Variants in PLCXD3 observed in about 807,000 individuals in gnomAD.
PLCXD3 encodes the protein PI-PLC X domain-containing protein 3.
A neutral mutation model predicts 25.5 loss-of-function variants in PLCXD3; 19 were observed. The observed-to-expected ratio is 0.75, with a 90% CI of 0.52 to 1.09. The LOEUF (loss-of-function observed/expected upper bound fraction) is 1.09, where lower values mean the gene tolerates loss of function less well. Ranked by LOEUF, PLCXD3 falls within the 50% of genes least tolerant of loss-of-function variation. The pLI, the probability that PLCXD3 is intolerant of heterozygous loss-of-function variation, is 0.00. For synonymous variants in PLCXD3, 174 were observed against 137.6 expected (o/e 1.26, Z -1.85); for missense variants, 411 against 388.1 (o/e 1.06, Z -0.50).
chr5:41,365,244 G>A (rs749407528), intron 2 of PLCXD3, among the ~76,000 whole-genome samples: 1 of 152,134 alleles, frequency 6.6e-6, no homozygotes, highest in Non-Finnish European at 1.5e-5. Context: ...ACAATCACAA[G>A]AGAATATCAT....
rs553032071 is a variant in PLCXD3 at position 41,339,514 on chromosome 5, C to T, written c.813-25744G>A. On this transcript the variant is annotated intron_variant, in intron 2 of 2. Coordinates refer to ENST00000377801, the MANE Select transcript of PLCXD3 (RefSeq NM_001005473.3). ...AATAGTTGGTCATGTAAATTATCTG[C>T]CTGACTGACTGAGTCTGTACTTATC... is the stretch of plus-strand genomic sequence containing the variant. Among the ~76,000 whole-genome samples, 7 of 151,968 alleles carry T rather than the reference C, an allele frequency of 4.6e-5. No individual in the cohort carries two copies. The South Asian group carries it at 1.2e-3, about 27-fold the overall frequency.
At chr5:41,412,583 C>T (rs1240050364) in intron 1 of PLCXD3, among the ~76,000 whole-genome samples, 1 of 152,156 alleles carries the variant, frequency 6.6e-6, no homozygotes, top group African/African-American at 2.4e-5. Context: ...CTTTGCCACT[C>T]GCCCTTGATA....
chr5:41,345,683 TACACACACACACAC>T (rs57657516), intron 2 of PLCXD3, among the ~76,000 whole-genome samples: 12 of 146,144 alleles, frequency 8.2e-5, no homozygotes, highest in Admixed American at 2.1e-4. Flanking sequence ...TACATATGTG[TACACACACACACAC>T]ACACACACAC....
At position 41,482,473 on chromosome 5, in the gene PLCXD3, T is replaced by C. The variant is rs183411490; in HGVS notation, c.103+27951A>G. On this transcript the variant is annotated intron_variant, in intron 1 of 2. Coordinates refer to ENST00000377801, the MANE Select transcript of PLCXD3 (RefSeq NM_001005473.3). Reference sequence around the variant, plus strand: ...CCATATATTATTCCATTAACCCTTATCAGCAGGATACTTAAGAGCACGAAG... The same window carrying C: ...CCATATATTATTCCATTAACCCTTACCAGCAGGATACTTAAGAGCACGAAG... 2.6e-5 allele frequency among the ~76,000 whole-genome samples: 4 copies of C among 152,274 alleles called. No homozygotes were observed. The East Asian group carries it at 7.7e-4, about 29-fold the overall frequency.
chr5:41,406,528 T>A lies in PLCXD3; in HGVS notation c.104-23994A>T, dbSNP rs550711705. On this transcript the variant is annotated intron_variant, in intron 1 of 2. Transcript: ENST00000377801. ...TCATCCTTGGGTTAATCTTCAACTC[T>A]TGCTTGCCCTTCAAACCTTACACTC... Among the ~76,000 whole-genome samples the A allele has an allele frequency of 2.6e-5, 4 of 152,300 alleles. No homozygotes were observed. In the South Asian group the frequency reaches 6.2e-4, roughly 24 times the overall value.
chr5:41,442,936 G>T (rs1747415385), intron 1 of PLCXD3, among the ~76,000 whole-genome samples: 1 of 151,884 alleles, frequency 6.6e-6, no homozygotes, highest in African/African-American at 2.4e-5. Context: ...CAAAAATAAA[G>T]ACAGGAAAGA....
chr5:41,467,005 C>T (rs1167009085), intron 1 of PLCXD3, among the ~76,000 whole-genome samples: 1 of 152,094 alleles, frequency 6.6e-6, no homozygotes, highest in Non-Finnish European at 1.5e-5. Context: ...GTGAATGGTG[C>T]TGCAATGAAC....
intron 1 of PLCXD3, among the ~76,000 whole-genome samples, chr5:41,428,109 T>A (rs1747004981): frequency 6.6e-6 from 1 of 152,102 alleles, no homozygotes; most frequent in Admixed American, 6.6e-5. Flanking sequence ...AAACTTTGTC[T>A]CTCTCCCCAC....
At chr5:41,330,971 A>G (rs1315642109) in intron 2 of PLCXD3, among the ~76,000 whole-genome samples, 2 of 152,178 alleles carry the variant, frequency 1.3e-5, no homozygotes, top group Non-Finnish European at 2.9e-5. Context: ...TATCTATGAC[A>G]AAGCCACAGC....
At chr5:41,387,420 T>C (rs1745672723) in intron 1 of PLCXD3, among the ~76,000 whole-genome samples, 1 of 152,188 alleles carries the variant, frequency 6.6e-6, no homozygotes, top group South Asian at 2.1e-4. Flanking sequence ...GTAATTTTAA[T>C]GCAACAATAG....
intron 1 of PLCXD3, among the ~76,000 whole-genome samples, chr5:41,502,722 A>G (rs1748978161): frequency 6.6e-6 from 1 of 152,166 alleles, no homozygotes; most frequent in Non-Finnish European, 1.5e-5. Context: ...TCATCCATTG[A>G]AGTTTTCTGG....
At chr5:41,470,309 C>G (rs936802741) in intron 1 of PLCXD3, among the ~76,000 whole-genome samples, 13 of 152,022 alleles carry the variant, frequency 8.6e-5, no homozygotes, top group Non-Finnish European at 1.5e-5. Flanking sequence ...AGCTGTTCTA[C>G]TGCTCTCCAG....
At chr5:41,384,486 A>T (rs1299132385) in intron 1 of PLCXD3, among the ~76,000 whole-genome samples, 1 of 152,098 alleles carries the variant, frequency 6.6e-6, no homozygotes, top group Non-Finnish European at 1.5e-5. Flanking sequence ...GAGTTTAAAA[A>T]GTTAGTTTCC....
chr5:41,338,471 A>G (rs1170804518), intron 2 of PLCXD3, among the ~76,000 whole-genome samples: 3 of 152,106 alleles, frequency 2.0e-5, no homozygotes, highest in Non-Finnish European at 2.9e-5. Context: ...ACACACACAC[A>G]AATCACCAAT....
At chr5:41,438,703 T>A (rs1192834060) in intron 1 of PLCXD3, among the ~76,000 whole-genome samples, 1 of 152,144 alleles carries the variant, frequency 6.6e-6, no homozygotes, top group Non-Finnish European at 1.5e-5. Flanking sequence ...AGAACCCACT[T>A]TTTTCTACAA....
chr5:41,451,968 A>C (rs2150514417), intron 1 of PLCXD3, among the ~76,000 whole-genome samples: 1 of 152,154 alleles, frequency 6.6e-6, no homozygotes, highest in East Asian at 1.9e-4. Context: ...ATGTTGAGAA[A>C]CAGGTATCTT....
chr5:41,336,885 C>T (rs959671442), intron 2 of PLCXD3, among the ~76,000 whole-genome samples: 4 of 152,172 alleles, frequency 2.6e-5, no homozygotes, highest in Non-Finnish European at 2.9e-5. Context: ...CAAGAGAATT[C>T]GAGAGTAAAC....
intron 2 of PLCXD3, among the ~76,000 whole-genome samples, chr5:41,337,958 T>C (rs1018823469): frequency 6.6e-6 from 1 of 152,242 alleles, no homozygotes; most frequent in East Asian, 1.9e-4. Flanking sequence ...TTTTCTAAAT[T>C]GTTTGACCAT....
chr5:41,481,102 TAAA>T (rs554092157), intron 1 of PLCXD3, among the ~76,000 whole-genome samples: 2 of 72,900 alleles, frequency 2.7e-5, no homozygotes, highest in East Asian at 4.4e-4. Flanking sequence ...ACCTAATTTG[TAAA>T]AAAAAAAAAA....
Sources: gnomAD v4.1 joint callset for allele counts (sites outside exome capture counted in the v4.1 genomes callset) on GRCh38, gnomAD v4.1.1 for gene constraint, MANE v1.5 for transcripts, NCBI Gene and HGNC (gene_info 2026-07-23, HGNC 2026-07-21) for gene names.